SHANK2: variants seen among roughly 807,000 people sequenced by gnomAD.
The protein encoded by SHANK2 is SH3 and multiple ankyrin repeat domains protein 2.
In SHANK2, 43 loss-of-function variants were observed where a neutral mutation model predicts 133.7. That is an observed-to-expected ratio of 0.32 (90% CI 0.25 to 0.41). The LOEUF (loss-of-function observed/expected upper bound fraction) is 0.41, where lower values mean the gene tolerates loss of function less well. SHANK2 is among the 10% of genes least tolerant of loss of function. SHANK2 has a pLI of 1.00. For synonymous variants in SHANK2, 1,017 were observed against 952.8 expected (o/e 1.07, Z -1.24); for missense variants, 1,994 against 2,235.8 (o/e 0.89, Z 2.18).
intron 13 of SHANK2, among the ~76,000 whole-genome samples, chr11:70,803,319 TAC>T (rs2135249821): frequency 3.8e-4 from 1 of 2,650 alleles, no homozygotes; most frequent in Non-Finnish European, 9.1e-4. Context: ...TCTTCCAGCC[TAC>T]CCATCCATCC....
intron 14 of SHANK2, among the ~76,000 whole-genome samples, chr11:70,777,695 T>C (rs1947396503): frequency 6.6e-6 from 1 of 152,244 alleles, no homozygotes; most frequent in African/African-American, 2.4e-5. Flanking sequence ...AACAGGCGTT[T>C]ACAAATTAAT....
At chr11:71,191,368 A>G (rs960459160) in intron 2 of SHANK2, among the ~76,000 whole-genome samples, 1 of 151,970 alleles carries the variant, frequency 6.6e-6, no homozygotes, top group Non-Finnish European at 1.5e-5. Context: ...CACAACAGAC[A>G]TTCATTATCT....
At chr11:71,140,736 G>A (rs1258447562) in intron 3 of SHANK2, among the ~76,000 whole-genome samples, 2 of 152,236 alleles carry the variant, frequency 1.3e-5, no homozygotes, top group Non-Finnish European at 1.5e-5. Flanking sequence ...GTGGAACCCC[G>A]AGGCTCAGAT....
chr11:70,488,999 CA>C (rs66892957), intron 24 of SHANK2: 10,157 of 352,922 alleles, frequency 0.029, 236 homozygotes, highest in Non-Finnish European at 0.042. Flanking sequence ...ACGCGTGGCA[CA>C]GGGATTTCAT....
intron 2 of SHANK2, among the ~76,000 whole-genome samples, chr11:71,149,702 G>A (rs1222564440): frequency 1.3e-5 from 2 of 149,868 alleles, no homozygotes; most frequent in East Asian, 4.0e-4. Context: ...TGGATGGATG[G>A]ATAGATGGCT....
intron 17 of SHANK2, among the ~76,000 whole-genome samples, chr11:70,622,197 G>A (rs927962527): frequency 6.6e-6 from 1 of 152,134 alleles, no homozygotes; most frequent in Non-Finnish European, 1.5e-5. Flanking sequence ...TGGAATGGAC[G>A]TCTCCAATCC....
At chr11:71,173,074 G>A (rs548539814) in intron 2 of SHANK2, among the ~76,000 whole-genome samples, 1 of 152,340 alleles carries the variant, frequency 6.6e-6, no homozygotes, top group South Asian at 2.1e-4. Context: ...AAGGCAGAAC[G>A]CCTTGTTTGA....
intron 11 of SHANK2, among the ~76,000 whole-genome samples, chr11:70,891,560 C>T (rs1439514598): frequency 2.0e-5 from 3 of 152,100 alleles, no homozygotes; most frequent in African/African-American, 7.2e-5. Flanking sequence ...GTTCTGAAGG[C>T]CAGAAGTCCA....
chr11:70,725,500 C>T (rs561423605), intron 14 of SHANK2, among the ~76,000 whole-genome samples: 1 of 152,294 alleles, frequency 6.6e-6, no homozygotes, highest in South Asian at 2.1e-4. Flanking sequence ...CAACTGCTGG[C>T]TGGAGCCCGA....
At chr11:70,678,543 T>C (rs1240081364) in intron 15 of SHANK2, among the ~76,000 whole-genome samples, 1 of 142,482 alleles carries the variant, frequency 7.0e-6, no homozygotes, top group East Asian at 2.0e-4. Flanking sequence ...TTTTTTTTTT[T>C]TTTTTTTTTT....
intron 11 of SHANK2, among the ~76,000 whole-genome samples, chr11:70,877,789 A>G (rs590180): frequency 0.99 from 150,081 of 152,302 alleles, 73,987 homozygotes; most frequent in East Asian, 1. Context: ...GGGAAGCCAA[A>G]TATAGACACG....
At chr11:70,684,848 A>G (rs572019297) in intron 15 of SHANK2, among the ~76,000 whole-genome samples, 1 of 151,686 alleles carries the variant, frequency 6.6e-6, no homozygotes, top group East Asian at 2.0e-4. Flanking sequence ...CACATGCCTC[A>G]CTCTGCCTCA....
chr11:70,728,485 A>C (rs1157967757), intron 14 of SHANK2, among the ~76,000 whole-genome samples: 1 of 152,236 alleles, frequency 6.6e-6, no homozygotes, highest in Non-Finnish European at 1.5e-5. Context: ...CCTGGGCGGA[A>C]GCAAAGTCAT....
At chr11:70,729,408 C>T (rs576079044) in intron 14 of SHANK2, among the ~76,000 whole-genome samples, 2 of 152,164 alleles carry the variant, frequency 1.3e-5, no homozygotes, top group Non-Finnish European at 2.9e-5. Flanking sequence ...GAAGTAACTG[C>T]TTCATGGGCA....
intron 17 of SHANK2, among the ~76,000 whole-genome samples, chr11:70,596,483 G>T (rs367614697): frequency 1.3e-5 from 2 of 152,214 alleles, no homozygotes; most frequent in African/African-American, 4.8e-5. Flanking sequence ...GGTTGGAAGG[G>T]GCATCAGGGT....
chr11:70,916,104 A>T (rs1375334687), intron 10 of SHANK2, among the ~76,000 whole-genome samples: 1 of 152,210 alleles, frequency 6.6e-6, no homozygotes, highest in Non-Finnish European at 1.5e-5. Flanking sequence ...ATGAAGGGCA[A>T]TTACCACCTT....
intron 14 of SHANK2, among the ~76,000 whole-genome samples, chr11:70,785,228 C>T (rs75192021): frequency 0.037 from 5,578 of 152,178 alleles, 352 homozygotes; most frequent in African/African-American, 0.13. Context: ...CCCCTGGGGG[C>T]GCCTGGGCCC....
chr11:70,901,044 T>C (rs952260058), intron 10 of SHANK2, among the ~76,000 whole-genome samples: 4 of 151,934 alleles, frequency 2.6e-5, no homozygotes, highest in Admixed American at 1.3e-4. Flanking sequence ...TCTGAGTGAG[T>C]TCCCAGGAGC....
At chr11:70,936,742 G>A (rs1002011829) in intron 10 of SHANK2, among the ~76,000 whole-genome samples, 3 of 152,090 alleles carry the variant, frequency 2.0e-5, no homozygotes, top group South Asian at 2.1e-4. Flanking sequence ...GTGGGTTCAG[G>A]CCTCCTCGCC....
Sources: allele counts gnomAD v4.1 joint callset (sites outside exome capture counted in the v4.1 genomes callset), GRCh38; gene constraint gnomAD v4.1.1; transcripts MANE v1.5; gene names NCBI Gene and HGNC (gene_info 2026-07-23, HGNC 2026-07-21).